Variants in CREBRF observed in about 807,000 individuals in gnomAD.
CREBRF encodes UPF0474 protein C5orf41.
In CREBRF, 5 loss-of-function variants were observed where a neutral mutation model predicts 66.1. The observed-to-expected ratio is 0.08, with a 90% confidence interval of 0.04 to 0.16. The LOEUF (loss-of-function observed/expected upper bound fraction) is 0.16. Among genes scored for constraint, CREBRF ranks in the 10% least tolerant of loss-of-function variants. The pLI is 1.00. For missense variants in CREBRF, 531 were observed against 744.9 expected (o/e 0.71, Z 3.34); for synonymous variants, 229 against 264.4 (o/e 0.87, Z 1.30).
At chr5:173,085,923 A>G (rs1460505406) in intron 2 of CREBRF, 8 of 1,074,294 alleles carry the variant, frequency 7.4e-6, no homozygotes, top group Non-Finnish European at 1.0e-5. Context: ...ACAGTTAGGC[A>G]CCCACTTTTT....
At chr5:173,119,302 T>C (rs1759081906) in intron 7 of CREBRF, among the ~76,000 whole-genome samples, 1 of 152,226 alleles carries the variant, frequency 6.6e-6, no homozygotes, top group Non-Finnish European at 1.5e-5. Context: ...TTCCGATCCA[T>C]GGACCTGGTA....
At chr5:173,130,365 G>A (rs1356307108) in intron 8 of CREBRF, among the ~76,000 whole-genome samples, 1 of 151,912 alleles carries the variant, frequency 6.6e-6, no homozygotes, top group African/African-American at 2.4e-5. Context: ...TTTACCTTGT[G>A]GATTGGCTTT....
At chr5:173,104,526 A>G (rs915816015) in intron 4 of CREBRF, among the ~76,000 whole-genome samples, 3 of 152,236 alleles carry the variant, frequency 2.0e-5, no homozygotes, top group Non-Finnish European at 4.4e-5. Context: ...CAAAAAATAC[A>G]AAAATTAGCC....
chr5:173,107,209 C>T (rs1386344901), intron 4 of CREBRF, among the ~76,000 whole-genome samples: 2 of 152,190 alleles, frequency 1.3e-5, no homozygotes, highest in Non-Finnish European at 2.9e-5. Flanking sequence ...AACATATCAT[C>T]ACCTTCTTAT....
At chr5:173,061,995 G>A (rs915724593) in intron 1 of CREBRF, among the ~76,000 whole-genome samples, 8 of 152,154 alleles carry the variant, frequency 5.3e-5, no homozygotes, top group Non-Finnish European at 1.0e-4. Flanking sequence ...GAAACATGTG[G>A]CCTGCAATCT....
chr5:173,129,519 C>T (rs1339705810), intron 8 of CREBRF, among the ~76,000 whole-genome samples: 1 of 151,830 alleles, frequency 6.6e-6, no homozygotes, highest in Non-Finnish European at 1.5e-5. Flanking sequence ...CCCAAGAGTT[C>T]GAAGCCAGCT....
chr5:173,113,384 C>T (rs1561813050), intron 7 of CREBRF, among the ~76,000 whole-genome samples: 1 of 152,052 alleles, frequency 6.6e-6, no homozygotes. Flanking sequence ...TCTCGGCTCA[C>T]TGCAACCTCT....
intron 2 of CREBRF, 84 bp downstream of exon 2, chr5:173,080,868 A>G: frequency 7.6e-7 from 1 of 1,316,436 alleles, no homozygotes; most frequent in Non-Finnish European, 1.1e-6. Flanking sequence ...GAATCTTAAC[A>G]CAACTTTGCA....
At chr5:173,057,142 T>C (rs1341065072) in intron 1 of CREBRF, among the ~76,000 whole-genome samples, 1 of 151,424 alleles carries the variant, frequency 6.6e-6, no homozygotes, top group African/African-American at 2.4e-5. Flanking sequence ...TTGAAGCGGC[T>C]GAGGGGCGGA....
intron 8 of CREBRF, chr5:173,124,162 A>ATTTTC (rs1759206058): frequency 6.6e-6 from 1 of 152,210 alleles, no homozygotes; most frequent in Non-Finnish European, 1.5e-5. Flanking sequence ...TACACTTGAA[A>ATTTTC]GTCAGTTTTA....
intron 4 of CREBRF, among the ~76,000 whole-genome samples, chr5:173,107,858 G>C (rs565408049): frequency 1.0e-4 from 15 of 144,328 alleles, no homozygotes; most frequent in Non-Finnish European, 4.5e-5. Flanking sequence ...CAGAGTGAGC[G>C]TCTCATTCTG....
At chr5:173,072,584 G>A (rs251242) in intron 1 of CREBRF, among the ~76,000 whole-genome samples, 72,813 of 148,270 alleles carry the variant, frequency 0.49, 18,808 homozygotes, top group Non-Finnish European at 0.58. Flanking sequence ...CTGCCTGGCT[G>A]ATTTTTACTT....
intron 4 of CREBRF, among the ~76,000 whole-genome samples, chr5:173,106,139 A>C (rs1581690436): frequency 6.6e-6 from 1 of 152,128 alleles, no homozygotes; most frequent in African/African-American, 2.4e-5. Flanking sequence ...TTTTAAGAAG[A>C]GCCTAAGGGG....
chr5:173,078,357 G>T (rs2113701590), intron 1 of CREBRF, among the ~76,000 whole-genome samples: 1 of 152,010 alleles, frequency 6.6e-6, no homozygotes, highest in East Asian at 1.9e-4. Context: ...ACTAAAAGGG[G>T]GCTTAAGCCA....
intron 2 of CREBRF, among the ~76,000 whole-genome samples, chr5:173,082,027 T>C (rs1345383658): frequency 6.3e-4 from 60 of 95,536 alleles, no homozygotes; most frequent in African/African-American, 2.1e-3. Context: ...TTTTTTTTTT[T>C]TTTTGAGCTG....
intron 7 of CREBRF, among the ~76,000 whole-genome samples, chr5:173,119,823 T>C (rs1323768911): frequency 6.6e-6 from 1 of 152,230 alleles, no homozygotes; most frequent in Admixed American, 6.5e-5. Flanking sequence ...TGGGTGTTGA[T>C]GATTTTTTTG....
intron 4 of CREBRF, among the ~76,000 whole-genome samples, chr5:173,108,271 C>A (rs959697424): frequency 3.9e-5 from 6 of 152,000 alleles, no homozygotes; most frequent in Admixed American, 1.3e-4. Context: ...TATCTAAGTA[C>A]CATTATCTGA....
At chr5:173,117,527 C>A (rs1759020406) in intron 7 of CREBRF, among the ~76,000 whole-genome samples, 2 of 73,446 alleles carry the variant, frequency 2.7e-5, no homozygotes, top group East Asian at 8.0e-4. Context: ...TCCCTCCCCT[C>A]CCCTCTCCTC....
At chr5:173,109,580 A>C (rs777560255) in intron 5 of CREBRF, 1 of 152,198 alleles carries the variant, frequency 6.6e-6, no homozygotes, top group Non-Finnish European at 1.5e-5. Context: ...GTTATTTTTA[A>C]ATTAATCCAT....
Sources: allele counts gnomAD v4.1 joint callset (sites outside exome capture counted in the v4.1 genomes callset), GRCh38; gene constraint gnomAD v4.1.1; transcripts MANE v1.5; gene names NCBI Gene and HGNC (gene_info 2026-07-23, HGNC 2026-07-21).